The following RPS6KA2 variants were observed in gnomAD, a reference collection of about 807,000 sequenced individuals.
RPS6KA2 encodes the protein ribosomal protein S6 kinase alpha-2.
A neutral mutation model predicts 91.8 loss-of-function variants in RPS6KA2; 42 were observed. The observed-to-expected ratio is 0.46, with a 90% CI of 0.36 to 0.59. RPS6KA2 has a LOEUF of 0.59. Among genes scored for constraint, RPS6KA2 ranks in the 20% least tolerant of loss-of-function variants. The pLI, the probability that RPS6KA2 is intolerant of heterozygous loss-of-function variation, is 0.00. For synonymous variants in RPS6KA2, 414 were observed against 393.6 expected (o/e 1.05, Z -0.61); for missense variants, 798 against 978.5 (o/e 0.82, Z 2.46).
Position 166,726,314 on chromosome 6 carries a change from A to T in RPS6KA2, c.123+131886T>A, listed in dbSNP as rs993253275. Among the ~76,000 whole-genome samples, 1 of 152,202 alleles carries T rather than the reference A, an allele frequency of 6.6e-6. No individual in the cohort carries two copies. The highest frequency in any genetic ancestry group is 2.4e-5 in the African/African-American group (1 of 41,454). On this transcript the variant is annotated intron_variant, in intron 2 of 21. Transcript: ENST00000503859. The surrounding 1 kb of genome is among the most constrained non-coding windows in gnomAD (Gnocchi z 4.4). ...TGCAAGTAGATGTGGAAGATAAAGA[A>T]GTAGCAATCCTGGGGAAAGGGCTAA... is the stretch of plus-strand genomic sequence containing the variant.
chr6:166,765,558 C>T (rs574316053), intron 2 of RPS6KA2, among the ~76,000 whole-genome samples: 2 of 152,282 alleles, frequency 1.3e-5, no homozygotes, highest in East Asian at 1.9e-4. Flanking sequence ...TTTAACTTTT[C>T]GTAGATTATA....
chr6:166,786,116 A>G (rs1554257934), intron 2 of RPS6KA2, among the ~76,000 whole-genome samples: 1 of 152,220 alleles, frequency 6.6e-6, no homozygotes, highest in Non-Finnish European at 1.5e-5. Flanking sequence ...TGACTCCTCC[A>G]ATCCACTTAC....
intron 3 of RPS6KA2, among the ~76,000 whole-genome samples, chr6:166,511,267 A>T (rs1782471611): frequency 6.6e-6 from 1 of 152,192 alleles, no homozygotes; most frequent in African/African-American, 2.4e-5. Context: ...TCCTTCATCC[A>T]ATGGTGTGAG....
chr6:166,547,773 T>C (rs942423598), intron 1 of RPS6KA2, among the ~76,000 whole-genome samples: 5 of 152,252 alleles, frequency 3.3e-5, no homozygotes, highest in African/African-American at 1.2e-4. Context: ...AAAGAGTAAC[T>C]GAGTCCGTGT....
At chr6:166,820,277 T>C (rs540810655) in intron 2 of RPS6KA2, among the ~76,000 whole-genome samples, 3 of 152,344 alleles carry the variant, frequency 2.0e-5, no homozygotes, top group East Asian at 3.9e-4. Context: ...CCCATGTCTG[T>C]CCAACTCCTA....
intron 3 of RPS6KA2, among the ~76,000 whole-genome samples, chr6:166,521,578 G>C (rs1782855696): frequency 6.6e-6 from 1 of 152,220 alleles, no homozygotes; most frequent in Non-Finnish European, 1.5e-5. Flanking sequence ...CTGAGGCACA[G>C]AGCTCGTGTG....
chr6:166,638,127 G>A (rs1234524172), intron 2 of RPS6KA2, among the ~76,000 whole-genome samples: 1 of 152,248 alleles, frequency 6.6e-6, no homozygotes, highest in African/African-American at 2.4e-5. Flanking sequence ...GTTGCCCTAG[G>A]TGCCTATCAG....
At chr6:166,446,799 A>G (rs1429278273) in intron 14 of RPS6KA2, among the ~76,000 whole-genome samples, 2 of 152,158 alleles carry the variant, frequency 1.3e-5, no homozygotes, top group East Asian at 3.8e-4. Context: ...TGTTTCTTTG[A>G]GCTCACTGGG....
intron 11 of RPS6KA2, among the ~76,000 whole-genome samples, chr6:166,463,857 C>T (rs181733218): frequency 3.7e-4 from 57 of 152,276 alleles, no homozygotes; most frequent in African/African-American, 1.3e-3. Context: ...ATTTTCAAAG[C>T]GTCACGATGG....
rs146640984 is a variant in RPS6KA2 at position 166,613,898 on chromosome 6, A to G, written c.99+13023T>C. Reference sequence around the variant, plus strand: ...CCTTCAGGACACAGTCGGGCTTTCCATGGCCTTCAGGACACAGATTCCTCC... The same window carrying G: ...CCTTCAGGACACAGTCGGGCTTTCCGTGGCCTTCAGGACACAGATTCCTCC... On this transcript the variant is annotated intron_variant, in intron 1 of 20. Coordinates refer to ENST00000265678, the MANE Select transcript of RPS6KA2 (RefSeq NM_021135.6). Among the ~76,000 whole-genome samples, 284 of 151,076 alleles carry G rather than the reference A, an allele frequency of 1.9e-3. 1 individual carries two copies. Among genetic ancestry groups the G allele is most frequent in the African/African-American group, 6.8e-3 (277 of 40,846 alleles).
intron 14 of RPS6KA2, among the ~76,000 whole-genome samples, chr6:166,439,037 C>T (rs1779433123): frequency 6.6e-6 from 1 of 152,156 alleles, no homozygotes; most frequent in South Asian, 2.1e-4. Context: ...TATTATAAAC[C>T]CCGATTTTAA....
At chr6:166,800,467 T>A (rs1248206453) in intron 2 of RPS6KA2, among the ~76,000 whole-genome samples, 1 of 152,192 alleles carries the variant, frequency 6.6e-6, no homozygotes, top group African/African-American at 2.4e-5. Flanking sequence ...AAGAAGTGAC[T>A]AAGTCATGAG....
At chr6:166,781,325 C>T (rs193301453) in intron 2 of RPS6KA2, among the ~76,000 whole-genome samples, 59 of 152,344 alleles carry the variant, frequency 3.9e-4, no homozygotes, top group Middle Eastern at 6.8e-3. Context: ...GACTTCTTAA[C>T]GTCAGTGGCT....
intron 1 of RPS6KA2, among the ~76,000 whole-genome samples, chr6:166,562,830 G>T (rs978500326): frequency 1.3e-5 from 2 of 152,228 alleles, no homozygotes; most frequent in African/African-American, 4.8e-5. Flanking sequence ...GGGGCTGGGG[G>T]CTTTGCAGAC....
intron 17 of RPS6KA2, among the ~76,000 whole-genome samples, chr6:166,420,683 G>A (rs1238929002): frequency 2.6e-5 from 4 of 152,192 alleles, no homozygotes; most frequent in Non-Finnish European, 5.9e-5. Flanking sequence ...GTTGTGAATA[G>A]TGCTGCTATG....
chr6:166,610,652 AT>A (rs1786138316), intron 1 of RPS6KA2, among the ~76,000 whole-genome samples: 1 of 152,358 alleles, frequency 6.6e-6, no homozygotes, highest in African/African-American at 2.4e-5. Flanking sequence ...CTACTAATTT[AT>A]CAAAACATAA....
chr6:166,706,318 G>A (rs901817846), intron 2 of RPS6KA2, among the ~76,000 whole-genome samples: 12 of 152,158 alleles, frequency 7.9e-5, no homozygotes, highest in African/African-American at 2.7e-4. Flanking sequence ...AACAGGCCAG[G>A]AATGAAAACA....
At chr6:166,449,601 A>T (rs965944802) in intron 13 of RPS6KA2, among the ~76,000 whole-genome samples, 1 of 152,152 alleles carries the variant, frequency 6.6e-6, no homozygotes, top group African/African-American at 2.4e-5. Context: ...CCACAAATTA[A>T]ACTGCTACCC....
chr6:166,498,742 C>T, intron 7 of RPS6KA2, 92 bp from the exon 8 acceptor site: 1 of 1,503,416 alleles, frequency 6.7e-7, no homozygotes, highest in South Asian at 1.2e-5. Flanking sequence ...TCTGTGGGCT[C>T]TGCCCCCTCT....
Sources: allele counts gnomAD v4.1 joint callset (sites outside exome capture counted in the v4.1 genomes callset), GRCh38; gene constraint gnomAD v4.1.1; non-coding constraint Gnocchi (gnomAD v3.1); transcripts MANE v1.5; gene names NCBI Gene and HGNC (gene_info 2026-07-23, HGNC 2026-07-21).